Variants in GABPB1 observed in about 807,000 individuals in gnomAD.
GABPB1 encodes GA-binding protein subunit beta-1.
Under a neutral mutation model 45.9 loss-of-function variants are expected in GABPB1, and 15 were observed. The observed-to-expected ratio is 0.33, with a 90% CI of 0.22 to 0.50. GABPB1 has a LOEUF of 0.50. Among genes scored for constraint, GABPB1 ranks in the 20% least tolerant of loss-of-function variants. The pLI is 0.98. For synonymous variants in GABPB1, 143 were observed against 154.4 expected (o/e 0.93, Z 0.55); for missense variants, 252 against 457.5 (o/e 0.55, Z 4.10).
At chr15:50,323,590 A>G (rs985012280) in intron 1 of GABPB1, among the ~76,000 whole-genome samples, 1 of 152,202 alleles carries the variant, frequency 6.6e-6, no homozygotes, top group African/African-American at 2.4e-5. Context: ...AGAGGCAATT[A>G]GCCAGGCACA....
intron 1 of GABPB1, among the ~76,000 whole-genome samples, chr15:50,314,210 G>A (rs1473233056): frequency 1.3e-5 from 2 of 150,444 alleles, no homozygotes. Context: ...TTGAGACGGA[G>A]TCTCGCTCTG....
At position 50,303,942 on chromosome 15, in the gene GABPB1, A is replaced by G. The variant is rs370039083; in HGVS notation, c.276+24T>C. On this transcript the variant is annotated intron_variant, in intron 3 of 8. Transcript: ENST00000380877. Reference sequence around the variant, plus strand: ...TAAAACCGTAAAGTATTTTAAAAGCAAAGTGCAAAAAGAGAACACATACCT... The same window carrying G: ...TAAAACCGTAAAGTATTTTAAAAGCGAAGTGCAAAAAGAGAACACATACCT... The G allele has an allele frequency of 2.5e-4, 391 of 1,538,524 alleles. 1 individual carries two copies. The highest frequency in any genetic ancestry group is 5.4e-4 in the Admixed American group (25 of 46,038).
intron 1 of GABPB1, chr15:50,352,209 T>C (rs1468175304): frequency 2.0e-5 from 3 of 152,132 alleles, no homozygotes; most frequent in Admixed American, 6.5e-5. Context: ...ACTTTACCTG[T>C]TACCTGTTAA....
chr15:50,310,064 T>G (rs1166303084), intron 1 of GABPB1, among the ~76,000 whole-genome samples: 1 of 152,224 alleles, frequency 6.6e-6, no homozygotes, highest in African/African-American at 2.4e-5. Context: ...AAGAGGTAAG[T>G]AGCAGAGAAA....
chr15:50,341,546 A>C (rs2048377833), intron 1 of GABPB1, among the ~76,000 whole-genome samples: 1 of 151,964 alleles, frequency 6.6e-6, no homozygotes, highest in African/African-American at 2.4e-5. Context: ...AAAAAAAAAG[A>C]AAATGATTTA....
chr15:50,316,919 ATTG>A (rs2047352144), intron 1 of GABPB1, among the ~76,000 whole-genome samples: 1 of 152,034 alleles, frequency 6.6e-6, no homozygotes, highest in African/African-American at 2.4e-5. Flanking sequence ...AACTCCACCC[ATTG>A]TTTTCAATCA....
chr15:50,331,818 A>C (rs1046717296), intron 1 of GABPB1, among the ~76,000 whole-genome samples: 2 of 151,446 alleles, frequency 1.3e-5, no homozygotes, highest in Admixed American at 6.6e-5. Flanking sequence ...TTTAAGTTAA[A>C]TCTAACATCA....
At chr15:50,307,445 A>G (rs910457266) in intron 2 of GABPB1, among the ~76,000 whole-genome samples, 1 of 151,970 alleles carries the variant, frequency 6.6e-6, no homozygotes, top group African/African-American at 2.4e-5. Flanking sequence ...AATCCTTCTT[A>G]AGATCTTTCT....
At chr15:50,281,444 C>T (rs909180688) in intron 8 of GABPB1, among the ~76,000 whole-genome samples, 12 of 152,160 alleles carry the variant, frequency 7.9e-5, no homozygotes, top group Non-Finnish European at 1.2e-4. Flanking sequence ...ATCTCCTGAC[C>T]TCGTGATCTG....
intron 1 of GABPB1, among the ~76,000 whole-genome samples, chr15:50,335,653 C>T (rs185901589): frequency 5.3e-4 from 81 of 152,192 alleles, no homozygotes; most frequent in African/African-American, 1.9e-3. Flanking sequence ...AATCCCAGCA[C>T]TTTGGGAGGC....
chr15:50,354,706 G>A (rs1411646215), intron 1 of GABPB1: 2 of 332,888 alleles, frequency 6.0e-6, no homozygotes, highest in Non-Finnish European at 5.7e-6. Context: ...TGCTAGGGCC[G>A]AGGAGGGGGC....
intron 6 of GABPB1, among the ~76,000 whole-genome samples, chr15:50,300,450 T>G (rs2046697944): frequency 2.3e-5 from 3 of 129,126 alleles, no homozygotes; most frequent in South Asian, 5.4e-4. Context: ...TTTTTTTTTT[T>G]TTTTTTTTTT....
At chr15:50,318,345 G>A (rs1409795471) in intron 1 of GABPB1, among the ~76,000 whole-genome samples, 2 of 152,048 alleles carry the variant, frequency 1.3e-5, no homozygotes, top group African/African-American at 4.8e-5. Context: ...CCTTTGAAAC[G>A]AAAAATCATC....
intron 1 of GABPB1, among the ~76,000 whole-genome samples, chr15:50,341,226 T>C (rs2048363476): frequency 6.6e-6 from 1 of 152,198 alleles, no homozygotes; most frequent in Non-Finnish European, 1.5e-5. Context: ...ACTGACCATA[T>C]GTATATTTAA....
Position 50,278,778 on chromosome 15 carries a change from C to T in GABPB1, c.1006G>A (p.Glu336Lys). 6.3e-7 allele frequency: 1 copy of T among 1,596,510 alleles called. No individual in the cohort carries two copies. The highest frequency in any genetic ancestry group is 8.5e-7 in the Non-Finnish European group (1 of 1,174,992). The change falls in exon 9 of 9, where the codon GAA (glutamate) becomes AAA (lysine). Residue 336 changes from glutamate (E) to lysine (K), a missense_variant. By Grantham distance (56) the Glu-to-Lys change is moderately conservative (BLOSUM62 1). This residue lies in a region of GABPB1 where 193 missense variants were observed against 259.9 expected (regional missense o/e 0.74). Transcript: ENST00000380877. ...RVESAEIEER[E>K]ALQKQLDEAN... ...TCATCCAGCTGTTTCTGAAGAGCTT[C>T]TCTCTCCTAATTAAAAGAAGAGGGT...
At chr15:50,336,760 C>T (rs2048144459) in intron 1 of GABPB1, among the ~76,000 whole-genome samples, 1 of 151,462 alleles carries the variant, frequency 6.6e-6, no homozygotes, top group Non-Finnish European at 1.5e-5. Context: ...AAATATATAT[C>T]GATATTGGTC....
intron 6 of GABPB1, among the ~76,000 whole-genome samples, chr15:50,297,371 C>G (rs1278152691): frequency 6.6e-6 from 1 of 151,996 alleles, no homozygotes; most frequent in Non-Finnish European, 1.5e-5. Context: ...CACCACCACA[C>G]CCAGCTAATT....
intron 1 of GABPB1, among the ~76,000 whole-genome samples, chr15:50,343,082 G>A (rs1282725033): frequency 6.6e-6 from 1 of 152,082 alleles, no homozygotes; most frequent in African/African-American, 2.4e-5. Context: ...TGTATTTTTA[G>A]TAGAGACGGG....
At chr15:50,294,038 A>C (rs750679492) in intron 6 of GABPB1, among the ~76,000 whole-genome samples, 23 of 152,206 alleles carry the variant, frequency 1.5e-4, no homozygotes, top group Admixed American at 3.3e-4. Flanking sequence ...GATCTGATTC[A>C]AAAGTCAAGT....
Sources: gnomAD v4.1 joint callset for allele counts (sites outside exome capture counted in the v4.1 genomes callset) on GRCh38, gnomAD v4.1.1 for gene constraint, gnomAD v4.1.1 regional missense constraint, MANE v1.5 for transcripts, NCBI Gene and HGNC (gene_info 2026-07-23, HGNC 2026-07-21) for gene names.